The following ITGBL1 variants were observed in gnomAD, a reference collection of about 807,000 sequenced individuals.
ITGBL1 encodes the protein integrin beta-like protein 1.
A neutral mutation model predicts 68.5 loss-of-function variants in ITGBL1; 51 were observed. The observed-to-expected ratio is 0.74, with a 90% confidence interval of 0.59 to 0.94. The LOEUF is 0.94. Among genes scored for constraint, ITGBL1 ranks in the 40% least tolerant of loss-of-function variants. The pLI is 0.00. For missense variants in ITGBL1, 649 were observed against 647.4 expected (o/e 1.00, Z -0.03); for synonymous variants, 209 against 227.3 (o/e 0.92, Z 0.72).
intron 8 of ITGBL1, among the ~76,000 whole-genome samples, chr13:101,694,498 A>G (rs1434810666): frequency 6.6e-6 from 1 of 151,980 alleles, no homozygotes; most frequent in Non-Finnish European, 1.5e-5. Context: ...AGCAGAGCTC[A>G]CTGAAACCTC....
At chr13:101,597,939 T>C (rs2030086340) in intron 6 of ITGBL1, among the ~76,000 whole-genome samples, 1 of 152,118 alleles carries the variant, frequency 6.6e-6, no homozygotes, top group Non-Finnish European at 1.5e-5. Context: ...TACTAAACTG[T>C]TTATCTTATC....
intron 2 of ITGBL1, among the ~76,000 whole-genome samples, chr13:101,525,644 C>T (rs1321697167): frequency 6.6e-6 from 1 of 151,854 alleles, no homozygotes; most frequent in African/African-American, 2.4e-5. Context: ...ATGCATTACT[C>T]CCATAGAAAG....
intron 2 of ITGBL1, among the ~76,000 whole-genome samples, chr13:101,554,571 G>A (rs899857331): frequency 1.3e-5 from 2 of 152,178 alleles, no homozygotes. Flanking sequence ...GAGCCATGCT[G>A]CGTCTGTGGA....
intron 2 of ITGBL1, among the ~76,000 whole-genome samples, chr13:101,495,311 TGTC>T: frequency 6.6e-6 from 1 of 152,164 alleles, no homozygotes; most frequent in Non-Finnish European, 1.5e-5. Context: ...AGCTGGCCGT[TGTC>T]GTAGCTGTGA....
At chr13:101,515,880 G>C (rs1373056829) in intron 2 of ITGBL1, among the ~76,000 whole-genome samples, 1 of 151,972 alleles carries the variant, frequency 6.6e-6, no homozygotes, top group East Asian at 1.9e-4. Context: ...TTTTTCAATT[G>C]CTTTTCTTCT....
chr13:101,642,512 T>C (rs1003617960), intron 7 of ITGBL1, among the ~76,000 whole-genome samples: 2 of 152,204 alleles, frequency 1.3e-5, no homozygotes, highest in African/African-American at 4.8e-5. Flanking sequence ...ATTTTGTAGG[T>C]TGCCTGTTCA....
chr13:101,459,815 A>G (rs1194987460), intron 2 of ITGBL1, among the ~76,000 whole-genome samples: 3 of 152,228 alleles, frequency 2.0e-5, no homozygotes, highest in Admixed American at 2.0e-4. Context: ...TCAAATATTA[A>G]CAATATAACA....
chr13:101,605,950 A>T (rs1354273522), intron 7 of ITGBL1, among the ~76,000 whole-genome samples: 1 of 147,752 alleles, frequency 6.8e-6, no homozygotes. Context: ...ATGTGTATAT[A>T]TACACATATA....
intron 6 of ITGBL1, among the ~76,000 whole-genome samples, chr13:101,592,730 G>A (rs1221995347): frequency 6.6e-6 from 1 of 152,062 alleles, no homozygotes. Flanking sequence ...TCCATATGCA[G>A]AAGAATGAGA....
chr13:101,595,788 G>C (rs1226578253), intron 6 of ITGBL1, among the ~76,000 whole-genome samples: 1 of 152,064 alleles, frequency 6.6e-6, no homozygotes, highest in Admixed American at 6.6e-5. Context: ...ATACTATGGA[G>C]TTTCCTTAAA....
At chr13:101,673,806 T>C (rs2033434772) in intron 7 of ITGBL1, among the ~76,000 whole-genome samples, 1 of 152,202 alleles carries the variant, frequency 6.6e-6, no homozygotes, top group South Asian at 2.1e-4. Context: ...GAAGTTGGAC[T>C]TAACAACGAA....
At chr13:101,603,649 T>C (rs755891969) in intron 7 of ITGBL1, among the ~76,000 whole-genome samples, 6 of 150,848 alleles carry the variant, frequency 4.0e-5, no homozygotes, top group African/African-American at 7.3e-5. Context: ...CCCAGACATG[T>C]AAAAAAAATG....
At chr13:101,609,054 C>T (rs988394026) in intron 7 of ITGBL1, among the ~76,000 whole-genome samples, 2 of 151,930 alleles carry the variant, frequency 1.3e-5, no homozygotes, top group African/African-American at 2.4e-5. Context: ...CTGACAATGC[C>T]CACTATTATG....
At chr13:101,611,670 C>A (rs756653059) in intron 7 of ITGBL1, among the ~76,000 whole-genome samples, 5 of 151,696 alleles carry the variant, frequency 3.3e-5, no homozygotes, top group African/African-American at 7.3e-5. Flanking sequence ...TGTGACCCAG[C>A]AAGTCATACA....
At chr13:101,473,907 A>G (rs2048498691) in intron 2 of ITGBL1, among the ~76,000 whole-genome samples, 1 of 152,170 alleles carries the variant, frequency 6.6e-6, no homozygotes, top group African/African-American at 2.4e-5. Flanking sequence ...CTGGCTAAAG[A>G]GCACCTGGGT....
chr13:101,714,969 A>G, intron 10 of ITGBL1: 1 of 190,742 alleles, frequency 5.2e-6, no homozygotes, highest in South Asian at 1.1e-4. Flanking sequence ...GGATGTGTGT[A>G]TGGGGGAGAG....
At chr13:101,460,975 G>A (rs1467841274) in intron 2 of ITGBL1, among the ~76,000 whole-genome samples, 1 of 152,112 alleles carries the variant, frequency 6.6e-6, no homozygotes, top group East Asian at 1.9e-4. Context: ...ATTTGGAGGG[G>A]ACACACATCC....
chr13:101,496,051 T>A (rs950344918), intron 2 of ITGBL1, among the ~76,000 whole-genome samples: 2 of 152,208 alleles, frequency 1.3e-5, no homozygotes, highest in African/African-American at 4.8e-5. Context: ...TACATGCAGA[T>A]ACCCACCATT....
At chr13:101,666,825 C>T (rs1377558203) in intron 7 of ITGBL1, among the ~76,000 whole-genome samples, 1 of 152,124 alleles carries the variant, frequency 6.6e-6, no homozygotes. Context: ...ATGTCAAGAT[C>T]AACTGTTACG....
Sources: gnomAD v4.1 joint callset for allele counts (sites outside exome capture counted in the v4.1 genomes callset) on GRCh38, gnomAD v4.1.1 for gene constraint, MANE v1.5 for transcripts, NCBI Gene and HGNC (gene_info 2026-07-23, HGNC 2026-07-21) for gene names.